Variants in KCNH8 observed in about 807,000 individuals in gnomAD.
KCNH8 encodes potassium voltage-gated channel subfamily H member 8, also known as voltage-gated delayed rectifier potassium channel KCNH8.
A neutral mutation model predicts 103.6 loss-of-function variants in KCNH8; 70 were observed. The ratio of observed to expected loss-of-function variants is 0.68; its 90% CI spans 0.56 to 0.82. KCNH8 has a LOEUF of 0.82. KCNH8 is among the 40% of genes least tolerant of loss of function. The probability of loss-of-function intolerance (pLI) is 0.00; values close to 1 mark genes in which losing one functional copy is unlikely to be tolerated. For missense variants in KCNH8, 1,217 were observed against 1,329.9 expected, an observed-to-expected ratio of 0.92 and a Z score of 1.32; for synonymous variants, 498 against 489.4, an observed-to-expected ratio of 1.02 and a Z score of -0.23.
At chr3:19,347,355 A>G (rs1044538619) in intron 4 of KCNH8, among the ~76,000 whole-genome samples, 1 of 152,142 alleles carries the variant, frequency 6.6e-6, no homozygotes, top group South Asian at 2.1e-4. Flanking sequence ...ACAAGTATAC[A>G]GAATGTTCTC....
Position 19,300,275 on chromosome 3 carries a change from G to T in KCNH8, c.442+18946G>T, listed in dbSNP as rs1421245785. The stretch of plus-strand genomic sequence containing the variant: ...AAAAAAAAAAAAGAAAGAAAGAAAA[G>T]AAAATATGAACAGGTGTTATATAAG... On this transcript the variant is annotated intron_variant, in intron 3 of 15. Transcript: ENST00000328405. Among the ~76,000 whole-genome samples the T allele has an allele frequency of 2.7e-5, 4 of 150,278 alleles. No homozygotes were observed. In the East Asian group the frequency reaches 5.8e-4, roughly 22 times the overall value.
At chr3:19,189,323 A>G (rs1424040065) in intron 1 of KCNH8, among the ~76,000 whole-genome samples, 1 of 152,072 alleles carries the variant, frequency 6.6e-6, no homozygotes, top group African/African-American at 2.4e-5. Flanking sequence ...AATGTTTCAT[A>G]TGAAAATTAG....
At chr3:19,522,087 G>A (rs2125248554) in intron 15 of KCNH8, among the ~76,000 whole-genome samples, 1 of 151,910 alleles carries the variant, frequency 6.6e-6, no homozygotes, top group Middle Eastern at 3.4e-3. Context: ...ATATGTAAAG[G>A]GGTCAGAGTT....
chr3:19,330,726 A>G (rs555894275), intron 3 of KCNH8, among the ~76,000 whole-genome samples: 6 of 152,316 alleles, frequency 3.9e-5, no homozygotes, highest in Non-Finnish European at 7.4e-5. Context: ...TAGTACAAAC[A>G]TAGGAGGGTC....
chr3:19,199,695 A>G (rs538284068), intron 1 of KCNH8, among the ~76,000 whole-genome samples: 2 of 151,614 alleles, frequency 1.3e-5, no homozygotes, highest in African/African-American at 4.8e-5. Context: ...TTCTAATTAT[A>G]AGGGACTAGC....
chr3:19,491,133 T>TA (rs1314253407), intron 11 of KCNH8, among the ~76,000 whole-genome samples: 4 of 152,186 alleles, frequency 2.6e-5, no homozygotes, highest in African/African-American at 9.7e-5. Flanking sequence ...GCTGGGAAGT[T>TA]ACTAATTATA....
At chr3:19,491,836 C>T (rs1217196473) in intron 11 of KCNH8, among the ~76,000 whole-genome samples, 14 of 152,210 alleles carry the variant, frequency 9.2e-5, no homozygotes, top group African/African-American at 3.4e-4. Flanking sequence ...TTGCCAGCAT[C>T]TGTTTTTTGA....
chr3:19,302,479 G>A lies in KCNH8; in HGVS notation c.442+21150G>A, dbSNP rs77175305. Among the ~76,000 whole-genome samples the A allele has an allele frequency of 9.3e-3, 1,420 of 152,100 alleles. 17 individuals are homozygous for A. Among genetic ancestry groups the A allele is most frequent in the African/African-American group, 0.033 (1,353 of 41,502 alleles). ...ATTCTTTAAAGCTTTATTTCTTCAT[G>A]TTGAAATTAAAGACCATTTCATCAT... On this transcript the variant is annotated intron_variant, in intron 3 of 15. Transcript: ENST00000328405.
intron 1 of KCNH8, among the ~76,000 whole-genome samples, chr3:19,174,220 T>A (rs2063376254): frequency 6.6e-6 from 1 of 152,144 alleles, no homozygotes; most frequent in South Asian, 2.1e-4. Context: ...CTTTTTTCAG[T>A]AATGTTCTGG....
rs11923685 is a variant in KCNH8 at position 19,220,463 on chromosome 3, T to C, written c.77-33191T>C. ...TCTTGCAGGGGTAAGATTGGTGACG[T>C]GTAGGAGAGTCTGAAAGGGTGTTTC... On this transcript the variant is annotated intron_variant, in intron 1 of 15. Coordinates refer to ENST00000328405, the MANE Select transcript of KCNH8 (RefSeq NM_144633.3). 7.7e-3 allele frequency among the ~76,000 whole-genome samples: 1,174 copies of C among 152,314 alleles called. 15 individuals carry two copies. The highest frequency in any genetic ancestry group is 0.026 in the African/African-American group (1,080 of 41,576).
chr3:19,276,719 G>A (rs544703042), intron 2 of KCNH8, among the ~76,000 whole-genome samples: 38 of 152,148 alleles, frequency 2.5e-4, no homozygotes, highest in African/African-American at 8.7e-4. Context: ...TTTTAGTGCT[G>A]TCTGGAAAGC....
intron 11 of KCNH8, among the ~76,000 whole-genome samples, chr3:19,502,782 T>C (rs1277475489): frequency 3.4e-5 from 5 of 148,956 alleles, no homozygotes; most frequent in Non-Finnish European, 7.5e-5. Context: ...CAATTCAAGA[T>C]GGATTAAAGA....
At chr3:19,329,504 A>G (rs1272421097) in intron 3 of KCNH8, among the ~76,000 whole-genome samples, 1 of 135,044 alleles carries the variant, frequency 7.4e-6, no homozygotes, top group African/African-American at 2.5e-5. Flanking sequence ...ATTTTAGGAT[A>G]TTTTTCTAGG....
intron 3 of KCNH8, among the ~76,000 whole-genome samples, chr3:19,323,093 G>T (rs1190851121): frequency 6.6e-6 from 1 of 151,974 alleles, no homozygotes; most frequent in Non-Finnish European, 1.5e-5. Flanking sequence ...GTCATATCCT[G>T]TATTTTTTTT....
rs2067121758 is a variant in KCNH8, at chr3:19,431,535, G to C, written c.1178-6629G>C. Among the ~76,000 whole-genome samples the C allele has an allele frequency of 2.6e-5, 4 of 152,174 alleles. No individual in the cohort carries two copies. In the South Asian group the frequency reaches 8.3e-4, roughly 32 times the overall value. On this transcript the variant is annotated intron_variant, in intron 7 of 15. Coordinates refer to ENST00000328405, the MANE Select transcript of KCNH8 (RefSeq NM_144633.3). Reference sequence around the variant, plus strand: ...CTTCTTCCCTCCTTTTTGGTTTTTTGGAATAGTTCAGTAGTAATGGTACCA... The same window carrying C: ...CTTCTTCCCTCCTTTTTGGTTTTTTCGAATAGTTCAGTAGTAATGGTACCA...
chr3:19,176,265 G>A (rs767533256), intron 1 of KCNH8, among the ~76,000 whole-genome samples: 8 of 152,090 alleles, frequency 5.3e-5, no homozygotes, highest in Non-Finnish European at 1.0e-4. Context: ...GGAAGCTGGA[G>A]GCTTAGAGAG....
At chr3:19,352,661 A>T (rs919263566) in intron 5 of KCNH8, among the ~76,000 whole-genome samples, 2 of 152,222 alleles carry the variant, frequency 1.3e-5, no homozygotes, top group African/African-American at 4.8e-5. Flanking sequence ...TGAAGGCAGA[A>T]ATAAAGATGT....
intron 11 of KCNH8, among the ~76,000 whole-genome samples, chr3:19,470,401 G>C (rs1163747150): frequency 6.6e-6 from 1 of 152,106 alleles, no homozygotes; most frequent in African/African-American, 2.4e-5. Context: ...TCCTTCAGTA[G>C]ACTTGCCATC....
intron 1 of KCNH8, among the ~76,000 whole-genome samples, chr3:19,186,287 T>TA (rs201199269): frequency 0.061 from 6,453 of 106,378 alleles, 386 homozygotes; most frequent in African/African-American, 0.16. Flanking sequence ...TTAAAAAATG[T>TA]AAAAAAAAAA....
Sources: gnomAD v4.1 joint callset for allele counts (sites outside exome capture counted in the v4.1 genomes callset) on GRCh38, gnomAD v4.1.1 for gene constraint, MANE v1.5 for transcripts, NCBI Gene and HGNC (gene_info 2026-07-23, HGNC 2026-07-21) for gene names.